The following PPP2R5E variants were observed in gnomAD, a reference collection of about 807,000 sequenced individuals.
The protein encoded by PPP2R5E is serine/threonine-protein phosphatase 2A 56 kDa regulatory subunit epsilon isoform.
A neutral mutation model predicts 65.3 loss-of-function variants in PPP2R5E; 4 were observed. The observed-to-expected ratio is 0.06, with a 90% CI of 0.03 to 0.14. The LOEUF (loss-of-function observed/expected upper bound fraction) is 0.14, where lower values mean the gene tolerates loss of function less well. Among genes scored for constraint, PPP2R5E ranks in the 10% least tolerant of loss-of-function variants. The probability of loss-of-function intolerance (pLI) is 1.00; values close to 1 mark genes in which losing one functional copy is unlikely to be tolerated. For missense variants in PPP2R5E, 274 were observed against 556.1 expected, an observed-to-expected ratio of 0.49 and a Z score of 5.10; for synonymous variants, 183 against 187.4, an observed-to-expected ratio of 0.98 and a Z score of 0.19.
intron 3 of PPP2R5E, among the ~76,000 whole-genome samples, chr14:63,447,898 C>T (rs1444489946): frequency 2.0e-5 from 3 of 152,150 alleles, no homozygotes; most frequent in African/African-American, 7.2e-5. Flanking sequence ...AGAAGAGGGA[C>T]AGAGGCTGAG....
chr14:63,539,502 A>T, intron 2 of PPP2R5E, 27 bp downstream of exon 2: 1 of 1,595,154 alleles, frequency 6.3e-7, no homozygotes, highest in Non-Finnish European at 8.5e-7. Context: ...ATTGAAAAAG[A>T]ATGCATCACC....
At chr14:63,529,421 C>T (rs1319031684) in intron 2 of PPP2R5E, among the ~76,000 whole-genome samples, 6 of 142,734 alleles carry the variant, frequency 4.2e-5, no homozygotes, top group Admixed American at 1.5e-4. Flanking sequence ...AGTGCAGTGG[C>T]GCAATCTTGG....
chr14:63,393,098 G>C (rs1373876309), intron 8 of PPP2R5E, among the ~76,000 whole-genome samples: 4 of 152,156 alleles, frequency 2.6e-5, no homozygotes, highest in African/African-American at 9.6e-5. Flanking sequence ...ACCTAGAACA[G>C]GAGGCAAAAA....
intron 2 of PPP2R5E, among the ~76,000 whole-genome samples, chr14:63,513,382 A>T (rs896503787): frequency 9.9e-5 from 15 of 152,204 alleles, no homozygotes; most frequent in African/African-American, 3.6e-4. Context: ...CGGTAAAAGA[A>T]AATCTCCCCT....
chr14:63,501,404 C>CA (rs140023470), intron 2 of PPP2R5E, among the ~76,000 whole-genome samples: 1,532 of 86,852 alleles, frequency 0.018, 41 homozygotes, highest in East Asian at 0.14. Context: ...GACTCCGTCT[C>CA]AAAAAAAAAA....
At chr14:63,530,226 G>GTT (rs555112537) in intron 2 of PPP2R5E, among the ~76,000 whole-genome samples, 5,007 of 99,164 alleles carry the variant, frequency 0.05, 278 homozygotes, top group African/African-American at 0.12. Flanking sequence ...AAATTTTTCC[G>GTT]TTTTTTTTTT....
At chr14:63,457,481 A>G (rs1445061188) in intron 2 of PPP2R5E, among the ~76,000 whole-genome samples, 1 of 152,220 alleles carries the variant, frequency 6.6e-6, no homozygotes, top group Non-Finnish European at 1.5e-5. Flanking sequence ...GTCACCTGGA[A>G]ATCTAAAAAC....
At chr14:63,414,796 A>G (rs1017677490) in intron 5 of PPP2R5E, among the ~76,000 whole-genome samples, 4 of 152,208 alleles carry the variant, frequency 2.6e-5, no homozygotes, top group African/African-American at 9.6e-5. Flanking sequence ...CTTCTTTAAG[A>G]ATCCTTACGC....
At chr14:63,396,823 A>G in intron 5 of PPP2R5E, 107 bp from the exon 6 acceptor site, 1 of 1,381,734 alleles carries the variant, frequency 7.2e-7, no homozygotes, top group Non-Finnish European at 9.9e-7. Context: ...AATGTGTTGA[A>G]TATCTATTAT....
intron 2 of PPP2R5E, among the ~76,000 whole-genome samples, chr14:63,495,979 C>T (rs981628905): frequency 6.6e-6 from 1 of 152,176 alleles, no homozygotes; most frequent in African/African-American, 2.4e-5. Flanking sequence ...GCGTGAGCCA[C>T]CATGCCCAGC....
chr14:63,514,663 A>G (rs775575957), intron 2 of PPP2R5E, among the ~76,000 whole-genome samples: 1 of 152,158 alleles, frequency 6.6e-6, no homozygotes, highest in Non-Finnish European at 1.5e-5. Context: ...CTCAGCAGGT[A>G]CTCTAAGCAG....
intron 2 of PPP2R5E, among the ~76,000 whole-genome samples, chr14:63,496,409 A>G (rs1891570877): frequency 6.8e-6 from 1 of 146,030 alleles, no homozygotes; most frequent in South Asian, 2.1e-4. Flanking sequence ...ACGCCACTAC[A>G]CTCCAGCCCA....
At chr14:63,468,489 G>A (rs79605005) in intron 2 of PPP2R5E, among the ~76,000 whole-genome samples, 3,032 of 152,314 alleles carry the variant, frequency 0.02, 83 homozygotes, top group African/African-American at 0.064. Context: ...CATCAGCAAC[G>A]TGTCAAACTC....
chr14:63,508,869 G>C (rs1892337320), intron 2 of PPP2R5E, among the ~76,000 whole-genome samples: 1 of 152,190 alleles, frequency 6.6e-6, no homozygotes, highest in South Asian at 2.1e-4. Flanking sequence ...TCCAGTGAAA[G>C]TTACCTTAAG....
At chr14:63,402,955 G>A (rs1010122552) in intron 5 of PPP2R5E, among the ~76,000 whole-genome samples, 2 of 152,190 alleles carry the variant, frequency 1.3e-5, no homozygotes, top group Non-Finnish European at 2.9e-5. Context: ...CTTTCTGGAT[G>A]TGGAGACAAA....
chr14:63,441,084 A>AT (rs1466877759), intron 3 of PPP2R5E, among the ~76,000 whole-genome samples: 1 of 152,072 alleles, frequency 6.6e-6, no homozygotes, highest in Non-Finnish European at 1.5e-5. Flanking sequence ...AATGGTATCT[A>AT]TTAGATACTA....
chr14:63,424,983 T>C (rs1418324275), intron 3 of PPP2R5E, among the ~76,000 whole-genome samples: 1 of 152,174 alleles, frequency 6.6e-6, no homozygotes, highest in Non-Finnish European at 1.5e-5. Context: ...GGTGGTCCTA[T>C]GAAGTGTACA....
At chr14:63,456,374 T>C (rs1443929293) in intron 2 of PPP2R5E, among the ~76,000 whole-genome samples, 1 of 152,372 alleles carries the variant, frequency 6.6e-6, no homozygotes, top group East Asian at 1.9e-4. Flanking sequence ...TCCTATTTTT[T>C]AATGTTAGGC....
intron 2 of PPP2R5E, among the ~76,000 whole-genome samples, chr14:63,465,464 A>AAAAAAAAAAAAAC (rs1889741321): frequency 1.5e-5 from 2 of 133,452 alleles, no homozygotes; most frequent in African/African-American, 6.7e-5. Context: ...AAAAAAAAAA[A>AAAAAAAAAAAAAC]AAAAAAAAAC....
Sources: gnomAD v4.1 joint callset for allele counts (sites outside exome capture counted in the v4.1 genomes callset) on GRCh38, gnomAD v4.1.1 for gene constraint, MANE v1.5 for transcripts, NCBI Gene and HGNC (gene_info 2026-07-23, HGNC 2026-07-21) for gene names.